CDH4: variants seen among roughly 807,000 people sequenced by gnomAD.
CDH4 encodes the protein cadherin-4.
CDH4 carries 33 observed loss-of-function variants against 86.0 expected under a neutral mutation model. The observed-to-expected ratio is 0.38, with a 90% CI of 0.29 to 0.51. The LOEUF is 0.51. Among genes scored for constraint, CDH4 ranks in the 20% least tolerant of loss-of-function variants. CDH4 has a pLI of 0.86. For missense variants in CDH4, 1,114 were observed against 1,307.4 expected (o/e 0.85, Z 2.28); for synonymous variants, 555 against 549.4 (o/e 1.01, Z -0.14).
chr20:61,604,849 G>C (rs1209284160), intron 2 of CDH4, among the ~76,000 whole-genome samples: 2 of 152,202 alleles, frequency 1.3e-5, no homozygotes, highest in Admixed American at 1.3e-4. Flanking sequence ...AGGAGAAATG[G>C]AAATAGGCCA....
In CDH4 at chr20:61,582,891, C is replaced by A. The variant is rs1032380361; in HGVS notation, c.170-160672C>A. ...CCAGTCCATTTTAGAATGTTTTCAT[C>A]GCCTCACAAAGAAACTCCACACCCT... is the stretch of plus-strand genomic sequence containing the variant. On this transcript the variant is annotated intron_variant, in intron 2 of 15. Transcript: ENST00000614565. The surrounding 1 kb of genome is among the most constrained non-coding windows in gnomAD (Gnocchi z 4.2). 6.6e-6 allele frequency among the ~76,000 whole-genome samples: 1 copy of A among 152,180 alleles called. No individual in the cohort carries two copies. The highest frequency in any genetic ancestry group is 1.5e-5 in the Non-Finnish European group (1 of 68,026).
chr20:61,402,291 T>C lies in CDH4; in HGVS notation c.169+147354T>C, dbSNP rs535473737. Among the ~76,000 whole-genome samples, 16 of 152,310 alleles carry C rather than the reference T, an allele frequency of 1.1e-4. No homozygotes were observed. The South Asian group carries it at 3.3e-3, about 32-fold the overall frequency. ...CTTTAAATCACCTCTAGGTTACTTA[T>C]AATACCAAATGCAATGTAAATGCTA... On this transcript the variant is annotated intron_variant, in intron 2 of 15. Transcript: ENST00000614565.
rs180964268 is a variant in CDH4 at position 61,387,599 on chromosome 20, C to T, written c.169+132662C>T. Among the ~76,000 whole-genome samples, 251 of 152,202 alleles carry T rather than the reference C, an allele frequency of 1.6e-3. 1 individual carries two copies. The highest frequency in any genetic ancestry group is 5.8e-3 in the African/African-American group (239 of 41,460). On this transcript the variant is annotated intron_variant, in intron 2 of 15. Transcript: ENST00000614565. Reference sequence around the variant, plus strand: ...ACATAGACACACGCACATTTGGCCACACAAACACACACAGACAAAAAGATA... The same window carrying T: ...ACATAGACACACGCACATTTGGCCATACAAACACACACAGACAAAAAGATA...
chr20:61,704,574 G>A (rs114308595), intron 2 of CDH4, among the ~76,000 whole-genome samples: 11 of 152,316 alleles, frequency 7.2e-5, no homozygotes, highest in African/African-American at 2.6e-4. Context: ...TGGCCACAGC[G>A]TGCAGTAGGA....
At chr20:61,669,832 TATAA>T (rs1256580533) in intron 2 of CDH4, among the ~76,000 whole-genome samples, 1 of 152,178 alleles carries the variant, frequency 6.6e-6, no homozygotes, top group African/African-American at 2.4e-5. Context: ...GACATTTCAG[TATAA>T]ATAAATTGTA....
At chr20:61,482,755 C>T (rs1019439530) in intron 2 of CDH4, among the ~76,000 whole-genome samples, 1 of 152,170 alleles carries the variant, frequency 6.6e-6, no homozygotes, top group South Asian at 2.1e-4. Flanking sequence ...TAGAGATGGG[C>T]AATGAGCCGA....
intron 4 of CDH4, among the ~76,000 whole-genome samples, chr20:61,837,172 G>A (rs769588656): frequency 2.0e-5 from 3 of 152,132 alleles, no homozygotes; most frequent in Non-Finnish European, 2.9e-5. Context: ...CAGCCTGGGC[G>A]ACAGAGCAAG....
At position 61,844,772 on chromosome 20, in the gene CDH4, C is replaced by G. The variant is rs752693138; in HGVS notation, c.681C>G (p.Gly227=). 1.2e-6 allele frequency: 2 copies of G among 1,614,002 alleles called. No individual in the cohort carries two copies. Among genetic ancestry groups the G allele is most frequent in the South Asian group, 2.2e-5 (2 of 91,040 alleles). The change falls in exon 5 of 16, where the codon GGC becomes GGG. Residue 227 remains glycine (G), a synonymous_variant. Coordinates refer to ENST00000614565, the MANE Select transcript of CDH4 (RefSeq NM_001794.5). ...TCTTCAGCATTGACTCCATGTCCGG[C>G]CGGATGTACGTCACAAGGCCCATGG... ...MEVFSIDSMS[G]RMYVTRPMDR... is the part of the protein sequence containing the mutation.
intron 2 of CDH4, among the ~76,000 whole-genome samples, chr20:61,641,554 G>T (rs374072049): frequency 6.6e-6 from 1 of 152,246 alleles, no homozygotes; most frequent in Non-Finnish European, 1.5e-5. Flanking sequence ...GATGTTTCCA[G>T]CTGCCTAGTG....
chr20:61,760,831 T>A (rs1407434410), intron 3 of CDH4, among the ~76,000 whole-genome samples: 1 of 152,232 alleles, frequency 6.6e-6, no homozygotes, highest in Non-Finnish European at 1.5e-5. Flanking sequence ...GTTTGGCCCC[T>A]ACTGGTGTCA....
intron 2 of CDH4, among the ~76,000 whole-genome samples, chr20:61,605,506 T>A (rs2086637240): frequency 6.9e-6 from 1 of 144,522 alleles, no homozygotes; most frequent in African/African-American, 2.5e-5. Flanking sequence ...CCCATGTCTC[T>A]CCCTTTCTGT....
chr20:61,589,358 G>T (rs2086500997), intron 2 of CDH4, among the ~76,000 whole-genome samples: 1 of 152,200 alleles, frequency 6.6e-6, no homozygotes, highest in South Asian at 2.1e-4. Context: ...TTAATCAGGA[G>T]TGATTTCTTC....
intron 2 of CDH4, among the ~76,000 whole-genome samples, chr20:61,271,909 C>CTA (rs1272543315): frequency 6.6e-6 from 1 of 151,846 alleles, no homozygotes; most frequent in Non-Finnish European, 1.5e-5. Context: ...TTTGCACGTG[C>CTA]TATGTTTAAA....
chr20:61,279,723 G>A (rs1265135411), intron 2 of CDH4, among the ~76,000 whole-genome samples: 1 of 152,188 alleles, frequency 6.6e-6, no homozygotes, highest in Non-Finnish European at 1.5e-5. Context: ...GAGAAATGGG[G>A]CAGTCTGGAC....
rs1208920695 is a variant in CDH4 at position 61,879,177 on chromosome 20, G to A, written c.1050+5277G>A. Reference sequence around the variant, plus strand: ...CACCAGTTCAGCTCCCCCGGGACCCGGCCTTCACCCAGCAGAGCCACTGCC... The same window carrying A: ...CACCAGTTCAGCTCCCCCGGGACCCAGCCTTCACCCAGCAGAGCCACTGCC... On this transcript the variant is annotated intron_variant, in intron 7 of 15. Coordinates refer to ENST00000614565, the MANE Select transcript of CDH4 (RefSeq NM_001794.5). The surrounding 1 kb of genome is among the most constrained non-coding windows in gnomAD (Gnocchi z 4.1). 1.3e-5 allele frequency among the ~76,000 whole-genome samples: 2 copies of A among 152,160 alleles called. No homozygotes were observed. The highest frequency in any genetic ancestry group is 1.9e-4 in the East Asian group (1 of 5,168).
chr20:61,840,967 A>T (rs1982137107), intron 4 of CDH4, among the ~76,000 whole-genome samples: 1 of 152,226 alleles, frequency 6.6e-6, no homozygotes. Context: ...AATTCTCTTT[A>T]AATAGGTGGT....
At chr20:61,345,955 T>A (rs936404837) in intron 2 of CDH4, among the ~76,000 whole-genome samples, 27 of 152,324 alleles carry the variant, frequency 1.8e-4, no homozygotes, top group African/African-American at 6.5e-4. Flanking sequence ...TGGTATTTTG[T>A]AAGCATTCTG....
At chr20:61,514,542 C>T (rs960109004) in intron 2 of CDH4, among the ~76,000 whole-genome samples, 2 of 152,152 alleles carry the variant, frequency 1.3e-5, no homozygotes, top group East Asian at 1.9e-4. Flanking sequence ...TCTCAGGGCT[C>T]GCTGGGTGCC....
chr20:61,528,845 T>C (rs1289885258), intron 2 of CDH4, among the ~76,000 whole-genome samples: 1 of 139,594 alleles, frequency 7.2e-6, no homozygotes, highest in Non-Finnish European at 1.5e-5. Context: ...CTCGTGATGA[T>C]CTTGATTTTT....
Sources: allele counts gnomAD v4.1 joint callset (sites outside exome capture counted in the v4.1 genomes callset), GRCh38; gene constraint gnomAD v4.1.1; non-coding constraint Gnocchi (gnomAD v3.1); transcripts MANE v1.5; gene names NCBI Gene and HGNC (gene_info 2026-07-23, HGNC 2026-07-21).